LARGE1: variants seen among roughly 807,000 people sequenced by gnomAD.
LARGE1 encodes the protein LARGE xylosyl- and glucuronyltransferase 1.
In LARGE1, 43 loss-of-function variants were observed where a neutral mutation model predicts 87.6. The ratio of observed to expected loss-of-function variants is 0.49; its 90% CI spans 0.38 to 0.63. LARGE1 has a LOEUF of 0.63. LARGE1 is among the 30% of genes least tolerant of loss of function. The pLI is 0.00. For synonymous variants in LARGE1, 434 were observed against 394.6 expected, an observed-to-expected ratio of 1.10 and a Z score of -1.18; for missense variants, 802 against 1,000.2, an observed-to-expected ratio of 0.80 and a Z score of 2.67.
At chr22:33,577,173 G>A (rs1381504514) in intron 5 of LARGE1, among the ~76,000 whole-genome samples, 1 of 151,284 alleles carries the variant, frequency 6.6e-6, no homozygotes, top group Admixed American at 6.6e-5. Flanking sequence ...GTTCTTGTGG[G>A]GATCAAAAAA....
At chr22:33,387,327 T>G (rs2065360371) in intron 7 of LARGE1, among the ~76,000 whole-genome samples, 1 of 121,478 alleles carries the variant, frequency 8.2e-6, no homozygotes. Context: ...CTCCTGAGGC[T>G]GAGGCACAAG....
intron 9 of LARGE1, among the ~76,000 whole-genome samples, chr22:33,377,776 C>T (rs191278993): frequency 3.5e-4 from 53 of 152,208 alleles, no homozygotes; most frequent in Middle Eastern, 3.4e-3. Flanking sequence ...TGTGTTGCAT[C>T]TTGGGTAATT....
chr22:33,316,313 C>A, intron 10 of LARGE1, 65 bp from the exon 11 acceptor site: 5 of 1,530,744 alleles, frequency 3.3e-6, no homozygotes, highest in Admixed American at 1.8e-5. Flanking sequence ...ATGAGCTTGC[C>A]CCTTGAGCCC....
intron 6 of LARGE1, among the ~76,000 whole-genome samples, chr22:33,522,074 C>A (rs1480006631): frequency 6.6e-6 from 1 of 152,138 alleles, no homozygotes; most frequent in Non-Finnish European, 1.5e-5. Context: ...GGGGATGGCA[C>A]TAAGCCATTC....
chr22:33,498,416 T>C (rs1486776870), intron 6 of LARGE1, among the ~76,000 whole-genome samples: 2 of 152,178 alleles, frequency 1.3e-5, no homozygotes, highest in African/African-American at 4.8e-5. Context: ...GATTAGAACA[T>C]CTTCTTCTCC....
At chr22:33,717,211 A>G (rs916533244) in intron 2 of LARGE1, among the ~76,000 whole-genome samples, 3 of 151,892 alleles carry the variant, frequency 2.0e-5, no homozygotes, top group African/African-American at 4.8e-5. Flanking sequence ...CTACCCATTC[A>G]TCCACCCATC....
At chr22:33,210,816 C>A (rs1198244476) in intron 11 of LARGE1, among the ~76,000 whole-genome samples, 1 of 152,264 alleles carries the variant, frequency 6.6e-6, no homozygotes, top group Non-Finnish European at 1.5e-5. Flanking sequence ...ATGCTCTGGG[C>A]CTCACACCAC....
intron 11 of LARGE1, among the ~76,000 whole-genome samples, chr22:33,239,535 C>CTTTTTTTTT (rs71187254): frequency 1.7e-4 from 16 of 95,314 alleles, no homozygotes; most frequent in Admixed American, 3.8e-4. Flanking sequence ...TTTTTCTTTT[C>CTTTTTTTTT]TTTTTTTTTT....
chr22:33,609,355 C>T (rs564572774), intron 4 of LARGE1, among the ~76,000 whole-genome samples: 2 of 152,324 alleles, frequency 1.3e-5, no homozygotes, highest in South Asian at 4.1e-4. Context: ...GCAGGACACT[C>T]TCAGAGTTAG....
chr22:33,574,627 A>T (rs548002360), intron 5 of LARGE1, among the ~76,000 whole-genome samples: 27 of 151,842 alleles, frequency 1.8e-4, no homozygotes, highest in Non-Finnish European at 2.1e-4. Flanking sequence ...GAAAATTGAG[A>T]TTCTCAAATA....
intron 2 of LARGE1, among the ~76,000 whole-genome samples, chr22:33,730,178 T>C (rs575045512): frequency 1.2e-4 from 19 of 152,312 alleles, no homozygotes; most frequent in Non-Finnish European, 2.5e-4. Context: ...AAGATGAAGA[T>C]GAAAACCTCT....
chr22:33,780,468 T>C (rs1246765320), intron 1 of LARGE1, among the ~76,000 whole-genome samples: 1 of 152,172 alleles, frequency 6.6e-6, no homozygotes, highest in African/African-American at 2.4e-5. Context: ...TCCAGGCAGC[T>C]GGAGGATGGA....
chr22:33,701,138 C>T (rs372899561), intron 2 of LARGE1, among the ~76,000 whole-genome samples: 3 of 151,954 alleles, frequency 2.0e-5, no homozygotes, highest in East Asian at 1.9e-4. Flanking sequence ...GGAGTGGTCA[C>T]GGCCTGGAGG....
chr22:33,157,713 A>G (rs961458462), downstream of LARGE1, among the ~76,000 whole-genome samples: 2 of 152,252 alleles, frequency 1.3e-5, no homozygotes, highest in African/African-American at 2.4e-5. Context: ...TTGAAACATC[A>G]TGATACCCTT....
intron 1 of LARGE1, among the ~76,000 whole-genome samples, chr22:33,828,536 T>G (rs1369442884): frequency 6.6e-6 from 1 of 152,174 alleles, no homozygotes; most frequent in Non-Finnish European, 1.5e-5. Flanking sequence ...AGTGAAAACT[T>G]TAGCCACAGG....
rs2413171 is a variant in LARGE1 at position 33,183,632 on chromosome 22, A to G, written c.1731-16800T>C. On this transcript the variant is annotated intron_variant, in intron 11 of 11. Coordinates refer to the LARGE1 transcript ENST00000608642. ...CACACACACACACGCACACACACACACACACACACACACACACACACAGTA... is the reference window on the plus strand; with the variant it reads ...CACACACACACACGCACACACACACGCACACACACACACACACACACAGTA... 1.5e-3 allele frequency among the ~76,000 whole-genome samples: 184 copies of G among 124,994 alleles called. 2 individuals carry two copies. The highest frequency in any genetic ancestry group is 0.013 in the South Asian group (52 of 4,052). The allele number at this position is 124,994 out of a possible 152,430, so 82.0% of individuals were successfully genotyped here.
chr22:33,760,224 A>C (rs1406247065), intron 2 of LARGE1, among the ~76,000 whole-genome samples: 1 of 152,180 alleles, frequency 6.6e-6, no homozygotes, highest in East Asian at 1.9e-4. Context: ...GCTCTTCACC[A>C]CTGCCGTTCC....
chr22:33,901,108 G>A (rs924720108), intron 1 of LARGE1, among the ~76,000 whole-genome samples: 1 of 152,116 alleles, frequency 6.6e-6, no homozygotes, highest in Non-Finnish European at 1.5e-5. Flanking sequence ...AAGACAATGT[G>A]AAGACACACA....
At chr22:33,314,389 G>A (rs567250423) in intron 11 of LARGE1, among the ~76,000 whole-genome samples, 15 of 152,262 alleles carry the variant, frequency 9.9e-5, no homozygotes, top group African/African-American at 3.4e-4. Flanking sequence ...ACTTCCCTGA[G>A]CCACCCTCAA....
Sources: gnomAD v4.1 joint callset for allele counts (sites outside exome capture counted in the v4.1 genomes callset) on GRCh38, gnomAD v4.1.1 for gene constraint, MANE v1.5 for transcripts, NCBI Gene and HGNC (gene_info 2026-07-23, HGNC 2026-07-21) for gene names.